ARAP2: variants seen among roughly 807,000 people sequenced by gnomAD.
ARAP2 encodes ArfGAP with RhoGAP domain, ankyrin repeat and PH domain 2, also known as arf-GAP with Rho-GAP domain, ANK repeat and PH domain-containing protein 2.
In ARAP2, 148 loss-of-function variants were observed where a neutral mutation model predicts 194.5. The ratio of observed to expected loss-of-function variants is 0.76; its 90% CI spans 0.67 to 0.87. The LOEUF (loss-of-function observed/expected upper bound fraction) is 0.87, where lower values mean the gene tolerates loss of function less well. Among genes scored for constraint, ARAP2 ranks in the 40% least tolerant of loss-of-function variants. The pLI, the probability that ARAP2 is intolerant of heterozygous loss-of-function variation, is 0.00. For synonymous variants in ARAP2, 695 were observed against 683.5 expected (o/e 1.02, Z -0.26); for missense variants, 2,128 against 1,989.7 (o/e 1.07, Z -1.32).
chr4:36,200,311 A>G (rs1744107656), intron 6 of ARAP2, among the ~76,000 whole-genome samples: 1 of 151,418 alleles, frequency 6.6e-6, no homozygotes, highest in Non-Finnish European at 1.5e-5. Flanking sequence ...GCTGGAGTGC[A>G]ATGGTGCAAT....
chr4:36,120,344 T>C (rs1029304446), intron 23 of ARAP2, among the ~76,000 whole-genome samples: 1 of 151,644 alleles, frequency 6.6e-6, no homozygotes, highest in Non-Finnish European at 1.5e-5. Context: ...CTGTGATATT[T>C]TGTTTTATTA....
chr4:36,208,535 G>A (rs746481825), intron 6 of ARAP2, among the ~76,000 whole-genome samples: 3 of 152,170 alleles, frequency 2.0e-5, no homozygotes, highest in Non-Finnish European at 4.4e-5. Context: ...AAAGAGACAC[G>A]CAGCCATGAG....
chr4:36,020,814 G>T (rs1016272691), intron 5 of ARAP2, among the ~76,000 whole-genome samples: 5 of 152,186 alleles, frequency 3.3e-5, no homozygotes, highest in Non-Finnish European at 5.9e-5. Context: ...AAGGCATGAA[G>T]ATCAATAAGT....
chr4:36,180,040 A>G (rs535731452), intron 8 of ARAP2, among the ~76,000 whole-genome samples: 1 of 152,288 alleles, frequency 6.6e-6, no homozygotes, highest in South Asian at 2.1e-4. Flanking sequence ...TGGGAGGCCA[A>G]GAGGGGAGGA....
chr4:36,120,334 CTG>C (rs752360373), intron 23 of ARAP2, among the ~76,000 whole-genome samples: 6 of 151,558 alleles, frequency 4.0e-5, no homozygotes, highest in Non-Finnish European at 7.4e-5. Context: ...AAGATACAGA[CTG>C]TGATATTTTG....
chr4:36,071,941 A>C (rs1727076762), intron 32 of ARAP2, among the ~76,000 whole-genome samples: 1 of 151,772 alleles, frequency 6.6e-6, no homozygotes, highest in Non-Finnish European at 1.5e-5. Context: ...ATGAGTGAGA[A>C]TATGCGGTGT....
downstream of ARAP2, among the ~76,000 whole-genome samples, chr4:36,063,597 T>C (rs1724834001): frequency 6.6e-6 from 1 of 152,220 alleles, no homozygotes; most frequent in African/African-American, 2.4e-5. Flanking sequence ...CCTTTCCTCT[T>C]CCTGCTACCC....
At chr4:36,230,925 G>A in intron 1 of ARAP2, among the ~76,000 whole-genome samples, 1 of 152,024 alleles carries the variant, frequency 6.6e-6, no homozygotes, top group East Asian at 1.9e-4. Flanking sequence ...TCTTCTTCAG[G>A]ACACACTGCA....
At chr4:36,219,333 A>G (rs61435931) in intron 2 of ARAP2, among the ~76,000 whole-genome samples, 7,166 of 152,308 alleles carry the variant, frequency 0.047, 253 homozygotes, top group African/African-American at 0.1. Context: ...AACACTATTC[A>G]GCAATAAGAA....
chr4:36,198,094 A>G (rs1312177957), intron 6 of ARAP2, among the ~76,000 whole-genome samples: 5 of 152,156 alleles, frequency 3.3e-5, no homozygotes, highest in African/African-American at 4.8e-5. Flanking sequence ...AGACAAGTGG[A>G]GGGTGAGCAA....
chr4:36,010,947 T>C (rs148034617), intron 9 of ARAP2, among the ~76,000 whole-genome samples: 28 of 152,286 alleles, frequency 1.8e-4, no homozygotes, highest in African/African-American at 6.7e-4. Context: ...GTATAATTCA[T>C]AATGAACTAA....
Position 36,177,971 on chromosome 4 carries a change from A to G in ARAP2, c.1713T>C (p.Asn571=). The change falls in exon 9 of 33, where the codon AAT becomes AAC. Residue 571 remains asparagine (N), a synonymous_variant. Coordinates refer to ENST00000303965, the MANE Select transcript of ARAP2 (RefSeq NM_015230.4). ...ERNDWISILL[N]ALKSQSLTSQ... is the part of the protein sequence containing the mutation. ...AGGTAAGGGATTGTGATTTCAGTGC[A>G]TTTAATAGTATGCTGATCCAGTCAT... 2 of 1,611,098 alleles carry G rather than the reference A, an allele frequency of 1.2e-6. No homozygotes were observed. Among genetic ancestry groups the G allele is most frequent in the Non-Finnish European group, 8.5e-7 (1 of 1,178,956 alleles).
At chr4:36,189,103 A>C (rs1398117815) in intron 7 of ARAP2, among the ~76,000 whole-genome samples, 1 of 152,208 alleles carries the variant, frequency 6.6e-6, no homozygotes, top group African/African-American at 2.4e-5. Flanking sequence ...TGAGTATGGC[A>C]AATGAGCTGT....
chr4:36,216,146 T>C (rs1747896350), intron 2 of ARAP2, among the ~76,000 whole-genome samples: 2 of 150,270 alleles, frequency 1.3e-5, no homozygotes, highest in African/African-American at 4.9e-5. Flanking sequence ...GTCCCAGATA[T>C]TTGGGAGGCT....
At chr4:36,154,320 G>A (rs1731728583) in intron 15 of ARAP2, among the ~76,000 whole-genome samples, 1 of 151,976 alleles carries the variant, frequency 6.6e-6, no homozygotes, top group Middle Eastern at 3.4e-3. Flanking sequence ...ATTTAGCCTT[G>A]GAAAAACATG....
chr4:36,141,346 G>T (rs1040362857), intron 19 of ARAP2, among the ~76,000 whole-genome samples: 2 of 151,526 alleles, frequency 1.3e-5, no homozygotes, highest in Non-Finnish European at 3.0e-5. Flanking sequence ...GATCAAGAAA[G>T]CTTTATTTTC....
intron 9 of ARAP2, among the ~76,000 whole-genome samples, chr4:36,173,128 G>A (rs1233826581): frequency 6.6e-6 from 1 of 151,914 alleles, no homozygotes; most frequent in Non-Finnish European, 1.5e-5. Flanking sequence ...CACCAAGCAA[G>A]ACATCTGGTT....
intron 5 of ARAP2, among the ~76,000 whole-genome samples, chr4:36,041,383 C>A (rs928645649): frequency 6.6e-6 from 1 of 152,154 alleles, no homozygotes; most frequent in Non-Finnish European, 1.5e-5. Flanking sequence ...TGAACAGACA[C>A]TTTTCAAAAG....
chr4:36,046,063 T>C (rs755100713), exon 5 of ARAP2: 10 of 152,192 alleles, frequency 6.6e-5, no homozygotes, highest in African/African-American at 9.6e-5. Flanking sequence ...ATTTCTACTC[T>C]ATGTTGTCTT....
Sources: gnomAD v4.1 joint callset for allele counts (sites outside exome capture counted in the v4.1 genomes callset) on GRCh38, gnomAD v4.1.1 for gene constraint, MANE v1.5 for transcripts, NCBI Gene and HGNC (gene_info 2026-07-23, HGNC 2026-07-21) for gene names.